The following DDI2 variants were observed in gnomAD, a reference collection of about 807,000 sequenced individuals.
DDI2 encodes DDI proteasomal shuttling factor 2, also known as protein DDI1 homolog 2.
A neutral mutation model predicts 48.1 loss-of-function variants in DDI2; 5 were observed. The ratio of observed to expected loss-of-function variants is 0.10; its 90% CI spans 0.05 to 0.22. The LOEUF is 0.22. DDI2 is among the 10% of genes least tolerant of loss of function. The probability of loss-of-function intolerance (pLI) is 1.00; values close to 1 mark genes in which losing one functional copy is unlikely to be tolerated. For missense variants in DDI2, 285 were observed against 506.2 expected, an observed-to-expected ratio of 0.56 and a Z score of 4.19; for synonymous variants, 205 against 183.6, an observed-to-expected ratio of 1.12 and a Z score of -0.94.
At position 15,617,475 on chromosome 1, in the gene DDI2, T is replaced by A; in HGVS notation, c.-196T>A. 1 of 347,752 alleles carries A rather than the reference T, an allele frequency of 2.9e-6. No individual in the cohort carries two copies. The highest frequency in any genetic ancestry group is 4.7e-5 in the East Asian group (1 of 21,418). The allele number at this position is 347,752 out of a possible 1,614,324, so 21.5% of individuals were successfully genotyped here. A position where few individuals can be genotyped will look rare whatever the true frequency, so the allele number is the denominator to read the frequency against. ...CGGCAGGCAGACGGACTCGCAGGCG[T>A]GTGGCGGCGGCCGTGCTTGCTAGTG... On this transcript the variant is annotated 5_prime_UTR_variant, in exon 1 of 10. Transcript: ENST00000480945.
In DDI2 at chr1:15,668,468, C is replaced by T. The variant is rs1463541883; in HGVS notation, c.*8678C>T. The T allele has an allele frequency of 1.3e-5, 2 of 152,142 alleles. No homozygotes were observed. The highest frequency in any genetic ancestry group is 4.8e-5 in the African/African-American group (2 of 41,426). 9.4% of individuals were successfully genotyped at this position (152,142 alleles called of 1,614,324 possible). A position where few individuals can be genotyped will look rare whatever the true frequency, so the allele number is the denominator to read the frequency against. Reference sequence around the variant, plus strand: ...TGAATTTTATTTTTTCGCTTTGTATCTACAACAGAAATTGATTTGTTCATT... The same window carrying T: ...TGAATTTTATTTTTTCGCTTTGTATTTACAACAGAAATTGATTTGTTCATT... On this transcript the variant is annotated 3_prime_UTR_variant, in exon 10 of 10. Coordinates refer to ENST00000480945, the MANE Select transcript of DDI2 (RefSeq NM_032341.5).
chr1:15,658,563 G>C (rs993531287), intron 9 of DDI2, among the ~76,000 whole-genome samples: 3 of 150,828 alleles, frequency 2.0e-5, no homozygotes, highest in African/African-American at 7.3e-5. Flanking sequence ...AAGAGTTTGA[G>C]ACCACCCTGA....
chr1:15,627,567 G>C (rs1416484703), intron 2 of DDI2, among the ~76,000 whole-genome samples: 1 of 152,188 alleles, frequency 6.6e-6, no homozygotes, highest in Non-Finnish European at 1.5e-5. Context: ...ATAATATGCA[G>C]AATTGTGTGG....
Position 15,660,502 on chromosome 1 carries a change from T to G in DDI2, c.*712T>G. On this transcript the variant is annotated 3_prime_UTR_variant, in exon 10 of 10. Transcript: ENST00000480945. ...ACAGAATCAACACAAAATTGTTGATTTGGAAGCTACGATGAAAGGAAATGG... is the reference window on the plus strand; with the variant it reads ...ACAGAATCAACACAAAATTGTTGATGTGGAAGCTACGATGAAAGGAAATGG... 6.2e-7 allele frequency: 1 copy of G among 1,613,878 alleles called. No homozygotes were observed. Among genetic ancestry groups the G allele is most frequent in the South Asian group, 1.1e-5 (1 of 90,990 alleles).
chr1:15,642,833 C>T (rs936615582), intron 5 of DDI2, among the ~76,000 whole-genome samples: 10 of 152,142 alleles, frequency 6.6e-5, no homozygotes, highest in Non-Finnish European at 1.3e-4. Flanking sequence ...TTTGGGAGGC[C>T]GAGGCAGGTG....
intron 1 of DDI2, among the ~76,000 whole-genome samples, chr1:15,622,493 G>A (rs1431697838): frequency 2.6e-5 from 4 of 152,200 alleles, no homozygotes; most frequent in East Asian, 3.8e-4. Context: ...TCTCTGGGGT[G>A]CCTCCTCTGG....
rs772865426 is a variant in DDI2, at chr1:15,660,229, C to T, written c.*439C>T. The T allele has an allele frequency of 6.2e-7, 1 of 1,614,042 alleles. No homozygotes were observed. The highest frequency in any genetic ancestry group is 8.5e-7 in the Non-Finnish European group (1 of 1,180,028). ...ATCTGCTGAAAGAAGCACCCAGGGC[C>T]TCAAATTTCATCTCCATACAAGACA... On this transcript the variant is annotated 3_prime_UTR_variant, in exon 10 of 10. Transcript: ENST00000480945.
intron 3 of DDI2, among the ~76,000 whole-genome samples, chr1:15,631,544 CTG>C (rs1639843644): frequency 1.3e-5 from 2 of 152,208 alleles, no homozygotes; most frequent in African/African-American, 4.8e-5. Flanking sequence ...CCTCAATTGA[CTG>C]TCTTTAAATT....
chr1:15,638,658 C>T (rs553537677), intron 5 of DDI2, among the ~76,000 whole-genome samples: 122 of 151,882 alleles, frequency 8.0e-4, no homozygotes, highest in Non-Finnish European at 1.6e-3. Flanking sequence ...CCTCGGCCTC[C>T]CACGTAGCTG....
chr1:15,619,178 T>G (rs1048113648), intron 1 of DDI2, among the ~76,000 whole-genome samples: 1 of 152,188 alleles, frequency 6.6e-6, no homozygotes, highest in Non-Finnish European at 1.5e-5. Context: ...TGGAGTGCAG[T>G]GGTGCGTTCT....
At chr1:15,633,814 G>C in intron 4 of DDI2, 1 of 499,598 alleles carries the variant, frequency 2.0e-6, no homozygotes, top group Non-Finnish European at 3.9e-6. Context: ...TCCCTGACTA[G>C]CAGACAGAGC....
chr1:15,636,629 G>A (rs964995953), intron 4 of DDI2, among the ~76,000 whole-genome samples: 4 of 152,250 alleles, frequency 2.6e-5, no homozygotes, highest in Admixed American at 6.5e-5. Flanking sequence ...GTGCTACCAC[G>A]CCCAGCTAAT....
chr1:15,657,360 A>C (rs1347610213), intron 9 of DDI2, among the ~76,000 whole-genome samples: 1 of 152,234 alleles, frequency 6.6e-6, no homozygotes, highest in African/African-American at 2.4e-5. Flanking sequence ...GGAGTTTGCA[A>C]GCTGGTTGGA....
intron 7 of DDI2, among the ~76,000 whole-genome samples, chr1:15,650,462 C>T (rs1640159668): frequency 1.3e-5 from 2 of 152,088 alleles, no homozygotes; most frequent in South Asian, 2.1e-4. Context: ...TCCAGTCAAC[C>T]TGCCAGGTAC....
intron 8 of DDI2, among the ~76,000 whole-genome samples, chr1:15,652,451 G>GC: frequency 1.7e-5 from 1 of 59,400 alleles, no homozygotes; most frequent in Admixed American, 1.8e-4. Context: ...GGCTCCGGAG[G>GC]GGGGGGGGGG....
intron 6 of DDI2, among the ~76,000 whole-genome samples, 184 bp downstream of exon 6, chr1:15,643,834 CAA>C: frequency 6.6e-6 from 1 of 152,304 alleles, no homozygotes; most frequent in South Asian, 2.1e-4. Flanking sequence ...TGTGTTCCGT[CAA>C]AGTTATGTGT....
chr1:15,632,254 T>G (rs745731717), intron 3 of DDI2, among the ~76,000 whole-genome samples: 1 of 152,136 alleles, frequency 6.6e-6, no homozygotes, highest in Non-Finnish European at 1.5e-5. Flanking sequence ...CATTTAAGTT[T>G]GCACACTTAA....
In DDI2 at chr1:15,646,692, G is replaced by GA. The variant is rs888626232; in HGVS notation, c.890-3017dup. ...ATAAGAGTGAAACTCCATCTCTAAA[G>GA]AAAAAAAAAAATGTGTGCCTTAGAC... On this transcript the variant is annotated intron_variant, in intron 6 of 9. Coordinates refer to ENST00000480945, the MANE Select transcript of DDI2 (RefSeq NM_032341.5). 3.9e-3 allele frequency among the ~76,000 whole-genome samples: 560 copies of GA among 143,476 alleles called. 9 individuals are homozygous for GA. The highest frequency in any genetic ancestry group is 0.012 in the African/African-American group (474 of 39,288). The allele number at this position is 143,476 out of a possible 152,430, so 94.1% of individuals were successfully genotyped here.
Position 15,626,676 on chromosome 1 carries a change from A to T in DDI2, c.146A>T (p.Tyr49Phe), listed in dbSNP as rs190145902. The T allele has an allele frequency of 3.7e-6, 6 of 1,614,136 alleles. No individual in the cohort carries two copies. In the East Asian group the frequency reaches 1.1e-4, roughly 30 times the overall value. ...GIPAAESQIVYAERPLTDNHR... is the reference protein window; with the variant it reads ...GIPAAESQIVFAERPLTDNHR... ...TATCTTTTCTTGTTGTAGATCGTCTATGCGGAAAGACCTCTCACAGACAAC... is the reference window on the plus strand; with the variant it reads ...TATCTTTTCTTGTTGTAGATCGTCTTTGCGGAAAGACCTCTCACAGACAAC... The change falls in exon 2 of 10, where the codon TAT becomes TTT. Residue 49 changes from tyrosine (Y) to phenylalanine (F), a missense_variant. Physicochemically the swap from Tyr to Phe is conservative, Grantham distance 22. This residue lies in a region of DDI2 where 149 missense variants were observed against 236.5 expected (regional missense o/e 0.63). Transcript: ENST00000480945.
Sources: gnomAD v4.1 joint callset for allele counts (sites outside exome capture counted in the v4.1 genomes callset) on GRCh38, gnomAD v4.1.1 for gene constraint, gnomAD v4.1.1 regional missense constraint, MANE v1.5 for transcripts, NCBI Gene and HGNC (gene_info 2026-07-23, HGNC 2026-07-21) for gene names.